Variants in NUP133 observed in about 807,000 individuals in gnomAD.
NUP133 encodes nucleoporin 133, also known as nuclear pore complex protein Nup133.
A neutral mutation model predicts 146.2 loss-of-function variants in NUP133; 66 were observed. That is an observed-to-expected ratio of 0.45 (90% CI 0.37 to 0.55). NUP133 has a LOEUF of 0.55. NUP133 is among the 20% of genes least tolerant of loss of function. The probability of loss-of-function intolerance (pLI) is 0.00; values close to 1 mark genes in which losing one functional copy is unlikely to be tolerated. For synonymous variants in NUP133, 521 were observed against 498.8 expected, an observed-to-expected ratio of 1.04 and a Z score of -0.59; for missense variants, 1,277 against 1,374.8, an observed-to-expected ratio of 0.93 and a Z score of 1.12.
chr1:229,497,097 G>C (rs1201022555), intron 6 of NUP133, among the ~76,000 whole-genome samples: 1 of 152,158 alleles, frequency 6.6e-6, no homozygotes, highest in African/African-American at 2.4e-5. Context: ...ATCACTGATA[G>C]GGCAGAAAGG....
At chr1:229,458,795 C>G (rs1273441629) in intron 20 of NUP133, among the ~76,000 whole-genome samples, 1 of 149,268 alleles carries the variant, frequency 6.7e-6, no homozygotes, top group Non-Finnish European at 1.5e-5. Flanking sequence ...ACTCAACCTT[C>G]GCCTCCCGGG....
At chr1:229,474,430 A>C (rs1661028724) in intron 14 of NUP133, among the ~76,000 whole-genome samples, 1 of 152,170 alleles carries the variant, frequency 6.6e-6, no homozygotes, top group Non-Finnish European at 1.5e-5. Context: ...AAAAAGAGAG[A>C]CTCAATGAAT....
Position 229,487,490 on chromosome 1 carries a change from C to G in NUP133, c.1318G>C (p.Glu440Gln). ...TGTGKFSLPQ[E>Q]KIVFNAQGDS... ...CCTTGTGCATTAAAGACAATTTTCT[C>G]CTGGGGAAGAGAAAATTTCCCAGTT... Residue 440 changes from glutamate to glutamine, a missense_variant, in exon 10 of 26, where the codon GAG becomes CAG. Glu to Gln is a conservative substitution (Grantham distance 29). Transcript: ENST00000261396. 6.2e-7 allele frequency: 1 copy of G among 1,613,494 alleles called. No homozygotes were observed. The highest frequency in any genetic ancestry group is 8.5e-7 in the Non-Finnish European group (1 of 1,179,886).
rs536203160 is a variant in NUP133 at position 229,487,557 on chromosome 1, G to A, written c.1251C>T (p.Ala417=). Residue 417 remains alanine (A), a synonymous_variant, in exon 10 of 26, where the codon GCC becomes GCT. Coordinates refer to ENST00000261396, the MANE Select transcript of NUP133 (RefSeq NM_018230.3). ...LTVPNFSNQT[A]YLYNESAVYV... The stretch of plus-strand genomic sequence containing the variant: ...AGACAGCACTTTCGTTATACAGATA[G>A]GCAGTCTGGTTTGAAAAGTTTGGGA... 2.5e-6 allele frequency: 4 copies of A among 1,613,312 alleles called. No individual in the cohort carries two copies. Among genetic ancestry groups the A allele is most frequent in the Non-Finnish European group, 3.4e-6 (4 of 1,179,598 alleles).
intron 9 of NUP133, among the ~76,000 whole-genome samples, chr1:229,487,838 ATTT>A (rs10565327): frequency 0.18 from 20,618 of 117,210 alleles, 1,256 homozygotes; most frequent in Middle Eastern, 0.21. Flanking sequence ...TGCTTTTTTA[ATTT>A]TTTTTTTTTT....
chr1:229,456,276 C>CA (rs1443998289), intron 21 of NUP133, among the ~76,000 whole-genome samples: 3 of 152,174 alleles, frequency 2.0e-5, no homozygotes, highest in African/African-American at 7.2e-5. Flanking sequence ...CCCCTAAACT[C>CA]AATGGTCTCA....
Position 229,458,256 on chromosome 1 carries a change from C to A in NUP133, c.2885G>T (p.Arg962Leu). 6.2e-7 allele frequency: 1 copy of A among 1,613,394 alleles called. No individual in the cohort carries two copies. The highest frequency in any genetic ancestry group is 8.5e-7 in the Non-Finnish European group (1 of 1,179,602). Residue 962 changes from arginine (R) to leucine (L), a missense_variant, in exon 21 of 26, where the codon CGT (arginine) becomes CTT (leucine). Physicochemically the swap from Arg to Leu is moderately radical, Grantham distance 102 (BLOSUM62 -2). Transcript: ENST00000261396. The stretch of plus-strand genomic sequence containing the variant: ...AAGGGTTTTCTTCTTTGCAAAGTAA[C>A]GAGTTTCCATATTTGCCAAACCCAG... Reference protein sequence around the residue: ...TLLGLANMETRYFAKKKTLLG... With the variant: ...TLLGLANMETLYFAKKKTLLG...
rs1200109795 is a variant in NUP133, at chr1:229,464,172, C to T, written c.2551+452G>A. ...CAAAAAAAAAAGATGCAAATTCAGACCCTTGTTTCATCACTGCCTCCCCAA... is the reference window on the plus strand; with the variant it reads ...CAAAAAAAAAAGATGCAAATTCAGATCCTTGTTTCATCACTGCCTCCCCAA... On this transcript the variant is annotated intron_variant, in intron 18 of 25. Coordinates refer to ENST00000261396, the MANE Select transcript of NUP133 (RefSeq NM_018230.3). 4.6e-5 allele frequency among the ~76,000 whole-genome samples: 7 copies of T among 151,976 alleles called. No homozygotes were observed. In the East Asian group the frequency reaches 1.3e-3, roughly 29 times the overall value.
In NUP133 at chr1:229,450,150, C is replaced by T. The variant is rs1244154424; in HGVS notation, c.3180+375G>A. Among the ~76,000 whole-genome samples, 4 of 151,504 alleles carry T rather than the reference C, an allele frequency of 2.6e-5. No individual in the cohort carries two copies. In the East Asian group the frequency reaches 5.8e-4, roughly 22 times the overall value. ...ACCTCAGGTGATCTGTCTGCCTCGGCCTCCCAAAGTGCTGGGATTACAGGC... is the reference window on the plus strand; with the variant it reads ...ACCTCAGGTGATCTGTCTGCCTCGGTCTCCCAAAGTGCTGGGATTACAGGC... On this transcript the variant is annotated intron_variant, in intron 23 of 25. Coordinates refer to ENST00000261396, the MANE Select transcript of NUP133 (RefSeq NM_018230.3).
At position 229,490,110 on chromosome 1, in the gene NUP133, A is replaced by G. The variant is rs1168160442; in HGVS notation, c.1047-8T>C. The G allele has an allele frequency of 6.5e-7, 1 of 1,532,214 alleles. No homozygotes were observed. The highest frequency in any genetic ancestry group is 1.4e-5 in the African/African-American group (1 of 72,012). The allele number at this position is 1,532,214 out of a possible 1,614,324, so 94.9% of individuals were successfully genotyped here. A position where few individuals can be genotyped will look rare whatever the true frequency, so the allele number is the denominator to read the frequency against. ...AAAATCACCAGCCCATCACTAATCAATAAAAAAGGAAGATGTAAAGCCTCT... is the reference window on the plus strand; with the variant it reads ...AAAATCACCAGCCCATCACTAATCAGTAAAAAAGGAAGATGTAAAGCCTCT... On this transcript the variant is annotated splice_region_variant and splice_polypyrimidine_tract_variant and intron_variant, in intron 8 of 25. Coordinates refer to ENST00000261396, the MANE Select transcript of NUP133 (RefSeq NM_018230.3).
rs201054748 is a variant in NUP133, at chr1:229,498,166, A to G, written c.789T>C (p.Phe263=). Residue 263 remains phenylalanine, a synonymous_variant, in exon 6 of 26, where the codon TTT becomes TTC. Transcript: ENST00000261396. ...SGIGRKVSSL[F]GILSPSSDLT... Reference sequence around the variant, plus strand: ...GATCACTACTAGGAGATAAAATTCCAAAAAGAGAAGAAACTTTTCGACCAA... The same window carrying G: ...GATCACTACTAGGAGATAAAATTCCGAAAAGAGAAGAAACTTTTCGACCAA... 28 of 1,610,230 alleles carry G rather than the reference A, an allele frequency of 1.7e-5. No homozygotes were observed. Among genetic ancestry groups the G allele is most frequent in the African/African-American group, 1.1e-4 (8 of 74,752 alleles).
intron 10 of NUP133, 85 bp downstream of exon 10, chr1:229,487,381 G>T: frequency 1.5e-6 from 2 of 1,294,634 alleles, no homozygotes; most frequent in South Asian, 1.3e-5. Context: ...CAGCATGCTT[G>T]AAGTGACATT....
At chr1:229,465,611 GA>G (rs1170955899) in intron 16 of NUP133, 92 bp from the exon 17 acceptor site, 20 of 952,566 alleles carry the variant, frequency 2.1e-5, no homozygotes, top group Non-Finnish European at 1.7e-6. Context: ...AAATTAGTAA[GA>G]AAAAATACTC....
At chr1:229,500,906 A>G in intron 3 of NUP133, 43 bp from the exon 4 acceptor site, 1 of 1,213,744 alleles carries the variant, frequency 8.2e-7, no homozygotes, top group South Asian at 1.3e-5. Context: ...CATCAAATCC[A>G]GTATTTTGAA....
rs773239689 is a variant in NUP133 at position 229,498,247 on chromosome 1, G to C, written c.708C>G (p.Ser236Arg). 174 of 1,610,792 alleles carry C rather than the reference G, an allele frequency of 1.1e-4. No homozygotes were observed. Among genetic ancestry groups the C allele is most frequent in the Non-Finnish European group, 1.4e-4 (167 of 1,179,182 alleles). Residue 236 changes from serine (S) to arginine (R), a missense_variant, in exon 6 of 26, where the codon AGC (serine) becomes AGG (arginine). Coordinates refer to ENST00000261396, the MANE Select transcript of NUP133 (RefSeq NM_018230.3). ...GSQLIRLIPE[S>R]SGKIHQHILP... ...GGATATGCTGATGAATCTTTCCTGA[G>C]CTCTCAGGTATCAACCGAATTAGTT...
intron 14 of NUP133, among the ~76,000 whole-genome samples, chr1:229,472,542 T>C (rs4925491): frequency 0.28 from 41,086 of 149,084 alleles, 7,317 homozygotes; most frequent in African/African-American, 0.51. Context: ...AAGTAGCTGA[T>C]TTGGTGGCAC....
intron 9 of NUP133, among the ~76,000 whole-genome samples, chr1:229,488,533 T>A (rs1315741230): frequency 6.6e-6 from 1 of 152,232 alleles, no homozygotes; most frequent in East Asian, 1.9e-4. Flanking sequence ...CTGCCCTGGC[T>A]GAAATTTTTT....
Position 229,464,495 on chromosome 1 carries a change from G to A in NUP133, c.2551+129C>T, listed in dbSNP as rs973460547. On this transcript the variant is annotated intron_variant, in intron 18 of 25. Transcript: ENST00000261396. ...GTTGAATAAATGAGCACAGAAAGCT[G>A]TGCATATTTGCTTTAAGTTCTTTAT... 9.3e-6 allele frequency: 10 copies of A among 1,076,190 alleles called. No individual in the cohort carries two copies. In the African/African-American group the frequency reaches 1.4e-4, roughly 15 times the overall value. The allele number at this position is 1,076,190 out of a possible 1,614,324, so 66.7% of individuals were successfully genotyped here.
At chr1:229,458,394 G>GT in intron 20 of NUP133, 98 bp from the exon 21 acceptor site, 2 of 1,191,846 alleles carry the variant, frequency 1.7e-6, no homozygotes, top group South Asian at 1.6e-5. Context: ...CCCCTAAGCC[G>GT]TATCAATGAA....
Sources: gnomAD v4.1 joint callset for allele counts (sites outside exome capture counted in the v4.1 genomes callset) on GRCh38, gnomAD v4.1.1 for gene constraint, MANE v1.5 for transcripts, NCBI Gene and HGNC (gene_info 2026-07-23, HGNC 2026-07-21) for gene names.